Variants in ATP10B observed in about 807,000 individuals in gnomAD.
ATP10B encodes the protein phospholipid-transporting ATPase VB.
In ATP10B, 122 loss-of-function variants were observed where a neutral mutation model predicts 141.2. That is an observed-to-expected ratio of 0.86 (90% CI 0.75 to 1.00). ATP10B has a LOEUF of 1.00. Ranked by LOEUF, ATP10B falls within the 50% of genes least tolerant of loss-of-function variation. The pLI is 0.00. For missense variants in ATP10B, 1,876 were observed against 1,825.3 expected (o/e 1.03, Z -0.51); for synonymous variants, 685 against 692.0 (o/e 0.99, Z 0.16).
At chr5:160,691,745 A>G (rs967286011) in intron 3 of ATP10B, 8 of 152,176 alleles carry the variant, frequency 5.3e-5, no homozygotes, top group African/African-American at 1.7e-4. Context: ...GCTTTCGTCA[A>G]TCCAACTGAT....
intron 1 of ATP10B, among the ~76,000 whole-genome samples, chr5:160,819,047 C>T (rs914446006): frequency 2.0e-5 from 3 of 151,996 alleles, no homozygotes; most frequent in African/African-American, 4.8e-5. Flanking sequence ...ATACCTAATG[C>T]TAATGACGAG....
intron 1 of ATP10B, among the ~76,000 whole-genome samples, chr5:160,833,315 A>G (rs1009523959): frequency 6.6e-6 from 1 of 152,220 alleles, no homozygotes; most frequent in Non-Finnish European, 1.5e-5. Context: ...CTAAGACCCA[A>G]TGAAGGTAAA....
the ATP10B span, among the ~76,000 whole-genome samples, chr5:160,888,662 CCCTTCTG>C: frequency 6.6e-6 from 1 of 152,132 alleles, no homozygotes; most frequent in African/African-American, 2.4e-5. Context: ...ATTCCATGTT[CCCTTCTG>C]CAATTGGCTC....
chr5:160,605,040 A>G (rs566621859), intron 19 of ATP10B, among the ~76,000 whole-genome samples: 5 of 152,332 alleles, frequency 3.3e-5, no homozygotes, highest in African/African-American at 9.6e-5. Flanking sequence ...TAAATTTTAC[A>G]TTGAAAAATA....
At chr5:160,921,267 G>A in the ATP10B span, among the ~76,000 whole-genome samples, 1 of 145,982 alleles carries the variant, frequency 6.9e-6, no homozygotes, top group South Asian at 2.1e-4. Flanking sequence ...TTTCTATTCA[G>A]CACTTTGTTT....
chr5:160,733,929 C>T (rs1203137086), intron 2 of ATP10B, among the ~76,000 whole-genome samples: 1 of 151,306 alleles, frequency 6.6e-6, no homozygotes, highest in Non-Finnish European at 1.5e-5. Flanking sequence ...CATGGTGAAA[C>T]CCCATCTCTA....
intron 2 of ATP10B, among the ~76,000 whole-genome samples, chr5:160,738,779 G>A (rs1767284046): frequency 6.6e-6 from 1 of 152,064 alleles, no homozygotes; most frequent in Non-Finnish European, 1.5e-5. Flanking sequence ...GCACATAGAT[G>A]GCTTCACTGG....
intron 23 of ATP10B, 98 bp from the exon 24 acceptor site, chr5:160,589,794 A>T: frequency 1.2e-6 from 1 of 859,002 alleles, no homozygotes; most frequent in East Asian, 2.6e-5. Flanking sequence ...GCAGTTGTCA[A>T]TGGAGAAGGA....
At chr5:160,677,088 T>G (rs548367304) in intron 6 of ATP10B, among the ~76,000 whole-genome samples, 3 of 152,312 alleles carry the variant, frequency 2.0e-5, no homozygotes, top group South Asian at 2.1e-4. Flanking sequence ...TCTGATCTCC[T>G]TAATGGCAAA....
At chr5:160,743,998 C>T (rs1349483076) in intron 2 of ATP10B, among the ~76,000 whole-genome samples, 1 of 152,122 alleles carries the variant, frequency 6.6e-6, no homozygotes, top group Non-Finnish European at 1.5e-5. Flanking sequence ...ATTGAGAAAT[C>T]TGTTCTAGTT....
At chr5:160,581,705 G>T (rs888627260) in intron 24 of ATP10B, among the ~76,000 whole-genome samples, 4 of 152,294 alleles carry the variant, frequency 2.6e-5, no homozygotes, top group African/African-American at 9.6e-5. Context: ...GAATATCCTT[G>T]TTAATATTCT....
chr5:160,685,059 G>T (rs1561750949), intron 6 of ATP10B: 1 of 703,600 alleles, frequency 1.4e-6, no homozygotes, highest in Non-Finnish European at 2.6e-6. Flanking sequence ...TGTTTTTGGG[G>T]ACGAAGGACA....
intron 15 of ATP10B, among the ~76,000 whole-genome samples, 187 bp downstream of exon 15, chr5:160,620,160 A>T (rs532790800): frequency 1.1e-4 from 16 of 152,346 alleles, no homozygotes; most frequent in Non-Finnish European, 2.1e-4. Context: ...GTGATTCCCT[A>T]GGTCCAGGAG....
In ATP10B at chr5:160,698,388, G is replaced by A. The variant is rs570087019; in HGVS notation, c.-204-9445C>T. Among the ~76,000 whole-genome samples, 78 of 151,908 alleles carry A rather than the reference G, an allele frequency of 5.1e-4. 2 individuals are homozygous for A. The South Asian group carries it at 0.013, about 25-fold the overall frequency. On this transcript the variant is annotated intron_variant, in intron 3 of 25. Transcript: ENST00000327245. Reference sequence around the variant, plus strand: ...GGCCAAGCCACTATTTTTAAGTGTCGCAGATACTGTTGAGATTAATATATT... The same window carrying A: ...GGCCAAGCCACTATTTTTAAGTGTCACAGATACTGTTGAGATTAATATATT...
the ATP10B span, among the ~76,000 whole-genome samples, chr5:160,858,472 A>C: frequency 3.9e-4 from 59 of 152,022 alleles, no homozygotes; most frequent in African/African-American, 1.4e-3. Context: ...ACTGGTATGT[A>C]AACTGTGTTC....
At chr5:160,772,271 G>A (rs1316433443) in intron 2 of ATP10B, among the ~76,000 whole-genome samples, 3 of 152,198 alleles carry the variant, frequency 2.0e-5, no homozygotes, top group African/African-American at 7.2e-5. Flanking sequence ...TTCTCCACAA[G>A]CTCTTCTTAA....
At chr5:160,820,406 A>C (rs1008206199) in intron 1 of ATP10B, among the ~76,000 whole-genome samples, 2 of 151,966 alleles carry the variant, frequency 1.3e-5, no homozygotes, top group African/African-American at 4.8e-5. Flanking sequence ...TTACCCAGAA[A>C]AAAACAAAAA....
intron 2 of ATP10B, among the ~76,000 whole-genome samples, chr5:160,778,185 A>C (rs950384959): frequency 2.0e-5 from 3 of 152,242 alleles, no homozygotes; most frequent in African/African-American, 4.8e-5. Context: ...ACACATAAAT[A>C]ATTTTAAAGC....
At chr5:160,765,925 A>G (rs187845701) in intron 2 of ATP10B, among the ~76,000 whole-genome samples, 11 of 152,326 alleles carry the variant, frequency 7.2e-5, no homozygotes, top group Admixed American at 7.2e-4. Context: ...AAGAGAAGAT[A>G]TACAAATGGC....
Sources: gnomAD v4.1 joint callset for allele counts (sites outside exome capture counted in the v4.1 genomes callset) on GRCh38, gnomAD v4.1.1 for gene constraint, MANE v1.5 for transcripts, NCBI Gene and HGNC (gene_info 2026-07-23, HGNC 2026-07-21) for gene names.